The following PCDH17 variants were observed in gnomAD, a reference collection of about 807,000 sequenced individuals.
PCDH17 encodes protocadherin-17.
In PCDH17, 21 loss-of-function variants were observed where a neutral mutation model predicts 67.7. The ratio of observed to expected loss-of-function variants is 0.31; its 90% CI spans 0.22 to 0.45. PCDH17 has a LOEUF of 0.45. Among genes scored for constraint, PCDH17 ranks in the 20% least tolerant of loss-of-function variants. PCDH17 has a pLI of 1.00. For synonymous variants in PCDH17, 701 were observed against 656.7 expected (o/e 1.07, Z -1.03); for missense variants, 1,471 against 1,564.8 (o/e 0.94, Z 1.01).
chr13:57,636,558 A>G (rs1954825947), intron 1 of PCDH17, among the ~76,000 whole-genome samples: 1 of 152,146 alleles, frequency 6.6e-6, no homozygotes, highest in Non-Finnish European at 1.5e-5. Flanking sequence ...CAATTGTAGT[A>G]TTAAATCTCA....
At chr13:57,665,340 G>A (rs1424647390) in intron 1 of PCDH17, among the ~76,000 whole-genome samples, 2 of 150,392 alleles carry the variant, frequency 1.3e-5, no homozygotes, top group Non-Finnish European at 3.0e-5. Context: ...TTCAGTAATC[G>A]CTCACAAATT....
At chr13:57,649,502 A>C (rs1429652530) in intron 1 of PCDH17, among the ~76,000 whole-genome samples, 2 of 152,190 alleles carry the variant, frequency 1.3e-5, no homozygotes, top group Non-Finnish European at 2.9e-5. Context: ...CTTTGATGTA[A>C]GCCACATAAG....
At position 57,634,980 on chromosome 13, in the gene PCDH17, G is replaced by C; in HGVS notation, c.2434G>C (p.Glu812Gln). 6.2e-7 allele frequency: 1 copy of C among 1,613,860 alleles called. No individual in the cohort carries two copies. Among genetic ancestry groups the C allele is most frequent in the Non-Finnish European group, 8.5e-7 (1 of 1,180,020 alleles). The change falls in exon 1 of 4, where the codon GAG becomes CAG. Residue 812 changes from glutamate to glutamine, a missense_variant. Physicochemically the swap from Glu to Gln is conservative, Grantham distance 29. Transcript: ENST00000377918. The surrounding 1 kb of genome is among the most constrained non-coding windows in gnomAD (Gnocchi z 7.8). ...TRLPLSSPRS[E>Q]VMYLKPASNN... ...CCTGCCCCTCAGCTCGCCCCGGTCG[G>C]AGGTGATGTATCTCAAACCGGCCTC...
At chr13:57,708,995 A>G (rs1955748247) in intron 3 of PCDH17, among the ~76,000 whole-genome samples, 2 of 151,808 alleles carry the variant, frequency 1.3e-5, no homozygotes, top group South Asian at 4.1e-4. Context: ...TAAAAAGCAA[A>G]ACAAAAACAA....
At chr13:57,673,163 C>G (rs1955344747) in intron 3 of PCDH17, among the ~76,000 whole-genome samples, 1 of 151,952 alleles carries the variant, frequency 6.6e-6, no homozygotes, top group Admixed American at 6.6e-5. Context: ...CTCATCTTGT[C>G]TCCTGCTAAA....
chr13:57,638,756 C>A (rs1405164098), intron 1 of PCDH17, among the ~76,000 whole-genome samples: 1 of 151,896 alleles, frequency 6.6e-6, no homozygotes, highest in Non-Finnish European at 1.5e-5. Context: ...ACTAACGTAT[C>A]ATAGTGTAAA....
chr13:57,634,355 G>A lies in PCDH17; in HGVS notation c.1809G>A (p.Leu603=), dbSNP rs1332118659. ...AELQVPRNAG[L]GYLVSTVRAL... ...TGCAGGTGCCGCGCAACGCTGGCCT[G>A]GGCTATCTGGTGAGCACTGTGCGCG... The change falls in exon 1 of 4, where the codon CTG becomes CTA. Residue 603 remains leucine, a synonymous_variant. Coordinates refer to ENST00000377918, the MANE Select transcript of PCDH17 (RefSeq NM_001040429.3). This position sits in a 1 kb window ranked among gnomAD's most constrained non-coding sequence, Gnocchi z 7.8. The A allele has an allele frequency of 1.2e-6, 2 of 1,612,570 alleles. No individual in the cohort carries two copies. The highest frequency in any genetic ancestry group is 1.7e-6 in the Non-Finnish European group (2 of 1,179,938).
At chr13:57,649,206 G>T (rs1471363047) in intron 1 of PCDH17, among the ~76,000 whole-genome samples, 1 of 152,002 alleles carries the variant, frequency 6.6e-6, no homozygotes, top group Non-Finnish European at 1.5e-5. Flanking sequence ...TGATTATTTT[G>T]GCAGCATATC....
chr13:57,687,756 A>G (rs1222697350), intron 3 of PCDH17, among the ~76,000 whole-genome samples: 2 of 152,074 alleles, frequency 1.3e-5, no homozygotes, highest in Non-Finnish European at 2.9e-5. Flanking sequence ...GAATAATGAA[A>G]GTTTTGTCCA....
intron 3 of PCDH17, among the ~76,000 whole-genome samples, chr13:57,702,079 AGTT>A (rs1955669699): frequency 1.3e-5 from 2 of 151,878 alleles, no homozygotes; most frequent in Non-Finnish European, 2.9e-5. Context: ...CACCAGGCCC[AGTT>A]AATTTTTGTA....
At chr13:57,643,049 T>C (rs2137987253) in intron 1 of PCDH17, among the ~76,000 whole-genome samples, 1 of 151,746 alleles carries the variant, frequency 6.6e-6, no homozygotes, top group African/African-American at 2.4e-5. Context: ...CAACATATTT[T>C]AGCAGTGTAT....
At chr13:57,664,966 A>G (rs1342619245) in intron 1 of PCDH17, among the ~76,000 whole-genome samples, 1 of 152,204 alleles carries the variant, frequency 6.6e-6, no homozygotes, top group Non-Finnish European at 1.5e-5. Flanking sequence ...AGAAATTACT[A>G]CAATATATAA....
At chr13:57,694,214 G>A (rs1358075038) in intron 3 of PCDH17, among the ~76,000 whole-genome samples, 2 of 151,198 alleles carry the variant, frequency 1.3e-5, no homozygotes, top group Non-Finnish European at 3.0e-5. Flanking sequence ...CTCAGCTAAA[G>A]ATGTTTGTTG....
Position 57,633,083 on chromosome 13 carries a change from T to A in PCDH17, c.537T>A (p.Phe179Leu). 1 of 1,613,402 alleles carries A rather than the reference T, an allele frequency of 6.2e-7. No homozygotes were observed. The highest frequency in any genetic ancestry group is 1.1e-5 in the South Asian group (1 of 91,068). Residue 179 changes from phenylalanine to leucine, a missense_variant, in exon 1 of 4, where the codon TTT becomes TTA. Coordinates refer to ENST00000377918, the MANE Select transcript of PCDH17 (RefSeq NM_001040429.3). This position sits in a 1 kb window ranked among gnomAD's most constrained non-coding sequence, Gnocchi z 6.2. ...YLLTRDDHGL[F>L]GLDVKSRGDG... Reference sequence around the variant, plus strand: ...TCACGCGCGACGATCACGGCCTCTTTGGACTGGACGTTAAGTCCCGCGGCG... The same window carrying A: ...TCACGCGCGACGATCACGGCCTCTTAGGACTGGACGTTAAGTCCCGCGGCG...
chr13:57,635,181 A>C, intron 1 of PCDH17, 70 bp downstream of exon 1: 1 of 1,523,060 alleles, frequency 6.6e-7, no homozygotes, highest in Non-Finnish European at 8.9e-7. Flanking sequence ...AAACCTTTGG[A>C]ACAGGGCAAG....
intron 1 of PCDH17, among the ~76,000 whole-genome samples, chr13:57,637,120 A>G (rs1490896936): frequency 1.3e-5 from 2 of 152,060 alleles, no homozygotes; most frequent in Non-Finnish European, 2.9e-5. Context: ...ACACGTGCGC[A>G]CACACACACA....
chr13:57,699,562 A>G (rs1406398137), intron 3 of PCDH17, among the ~76,000 whole-genome samples: 1 of 151,406 alleles, frequency 6.6e-6, no homozygotes, highest in Non-Finnish European at 1.5e-5. Flanking sequence ...ATTGTTCTTT[A>G]CTAGCTCCTT....
intron 1 of PCDH17, among the ~76,000 whole-genome samples, chr13:57,641,576 AAAAAAAAAAAAATATATATAT>A (rs1235804625): frequency 2.3e-4 from 19 of 81,560 alleles, no homozygotes; most frequent in African/African-American, 8.2e-4. Flanking sequence ...AAAAAAAAAA[AAAAAAAAAAAAATATATATAT>A]ATATATATAT....
At chr13:57,716,597 T>C (rs1336834428) in intron 3 of PCDH17, among the ~76,000 whole-genome samples, 1 of 151,858 alleles carries the variant, frequency 6.6e-6, no homozygotes, top group Non-Finnish European at 1.5e-5. Context: ...AACCTACGCT[T>C]TTCTCTGTAT....
Sources: gnomAD v4.1 joint callset for allele counts (sites outside exome capture counted in the v4.1 genomes callset) on GRCh38, gnomAD v4.1.1 for gene constraint, Gnocchi (gnomAD v3.1) non-coding constraint, MANE v1.5 for transcripts, NCBI Gene and HGNC (gene_info 2026-07-23, HGNC 2026-07-21) for gene names.